S100Z: variants seen among roughly 807,000 people sequenced by gnomAD.
S100Z encodes protein S100-Z.
Under a neutral mutation model 8.5 loss-of-function variants are expected in S100Z, and 11 were observed. The ratio of observed to expected loss-of-function variants is 1.30; its 90% CI spans 0.82 to 2.15. S100Z has a LOEUF of 2.15. Ranked by LOEUF, S100Z falls within the 30% of genes most tolerant of loss-of-function variation. The pLI, the probability that S100Z is intolerant of heterozygous loss-of-function variation, is 0.00. For synonymous variants in S100Z, 34 were observed against 43.8 expected (o/e 0.78, Z 0.89); for missense variants, 126 against 117.9 (o/e 1.07, Z -0.32).
At chr5:76,937,060 C>T in the S100Z span, among the ~76,000 whole-genome samples, 5 of 152,300 alleles carry the variant, frequency 3.3e-5, no homozygotes, top group East Asian at 3.9e-4. Flanking sequence ...CAGCAAATCC[C>T]GGCTGCAGAG....
At chr5:76,916,625 A>C (rs533341762) in intron 4 of S100Z, among the ~76,000 whole-genome samples, 3 of 152,312 alleles carry the variant, frequency 2.0e-5, no homozygotes, top group Non-Finnish European at 2.9e-5. Flanking sequence ...AGAAACCAAT[A>C]ACAGAAAGAT....
chr5:76,864,655 C>T lies in S100Z; in HGVS notation c.-175-5511C>T, dbSNP rs1341720787. Among the ~76,000 whole-genome samples the T allele has an allele frequency of 2.0e-5, 3 of 152,120 alleles. No individual in the cohort carries two copies. In the East Asian group the frequency reaches 5.8e-4, roughly 29 times the overall value. On this transcript the variant is annotated intron_variant, in intron 1 of 4. Transcript: ENST00000317593. ...CTGAGCTCAAGCGAGCCACCCGCCT[C>T]AGCCTCCCAGAGTGCTGGGATTATA...
chr5:76,913,471 G>A (rs988724124), intron 4 of S100Z, among the ~76,000 whole-genome samples: 1 of 152,194 alleles, frequency 6.6e-6, no homozygotes, highest in Non-Finnish European at 1.5e-5. Flanking sequence ...TCAGGAAGGA[G>A]CCATCTTATA....
intron 4 of S100Z, among the ~76,000 whole-genome samples, chr5:76,906,484 T>C (rs754943424): frequency 1.6e-4 from 24 of 152,226 alleles, no homozygotes; most frequent in Non-Finnish European, 2.4e-4. Flanking sequence ...TTTCTGCTTC[T>C]AGTTCAACTT....
intron 4 of S100Z, among the ~76,000 whole-genome samples, chr5:76,911,882 G>A (rs990388100): frequency 2.6e-5 from 4 of 152,042 alleles, no homozygotes; most frequent in South Asian, 2.1e-4. Context: ...TGGAATCACC[G>A]GCTTTTGCTG....
chr5:76,922,436 G>A (rs1745064231), downstream of S100Z, among the ~76,000 whole-genome samples: 1 of 152,192 alleles, frequency 6.6e-6, no homozygotes. Context: ...TTCCTGTGCA[G>A]TTCTGCCCAT....
chr5:76,859,535 CT>C (rs1750989209), intron 1 of S100Z, among the ~76,000 whole-genome samples: 1 of 152,078 alleles, frequency 6.6e-6, no homozygotes, highest in African/African-American at 2.4e-5. Context: ...AATCCCAGCA[CT>C]TTGGGAGGCT....
chr5:76,927,388 C>A, the S100Z span, among the ~76,000 whole-genome samples: 1 of 152,202 alleles, frequency 6.6e-6, no homozygotes, highest in Admixed American at 6.5e-5. Context: ...TGTGCTCTCC[C>A]TCTGCCCCAG....
At chr5:76,937,139 T>C in the S100Z span, among the ~76,000 whole-genome samples, 4 of 152,122 alleles carry the variant, frequency 2.6e-5, no homozygotes, top group Non-Finnish European at 4.4e-5. Context: ...AGATAAGATA[T>C]TGGAAATGGC....
downstream of S100Z, among the ~76,000 whole-genome samples, chr5:76,926,006 G>C (rs1395346817): frequency 6.6e-6 from 1 of 151,972 alleles, no homozygotes; most frequent in Non-Finnish European, 1.5e-5. Context: ...AAATATAAGG[G>C]CACATAGTTT....
chr5:76,918,836 CTCTA>C (rs1168805730), intron 4 of S100Z, among the ~76,000 whole-genome samples: 2 of 152,200 alleles, frequency 1.3e-5, no homozygotes, highest in African/African-American at 2.4e-5. Flanking sequence ...ATCCTCTGTA[CTCTA>C]TCTATTCAAC....
At chr5:76,852,713 T>TC (rs113956903) in intron 1 of S100Z, among the ~76,000 whole-genome samples, 32 of 152,202 alleles carry the variant, frequency 2.1e-4, no homozygotes, top group African/African-American at 6.7e-4. Context: ...AGACTCTGTC[T>TC]CAAAAAACAA....
At chr5:76,898,811 G>T (rs998654433) in intron 4 of S100Z, among the ~76,000 whole-genome samples, 1 of 151,954 alleles carries the variant, frequency 6.6e-6, no homozygotes, top group African/African-American at 2.4e-5. Flanking sequence ...GGGCCTCATA[G>T]AATTAGTTTA....
chr5:76,902,913 C>T (rs979275032), intron 4 of S100Z, among the ~76,000 whole-genome samples: 7 of 152,190 alleles, frequency 4.6e-5, no homozygotes, highest in East Asian at 1.9e-4. Flanking sequence ...CGGCTGGGCA[C>T]GGTGGCTTAC....
At position 76,862,126 on chromosome 5, in the gene S100Z, TGTGC is replaced by T. The variant is rs1453548697; in HGVS notation, c.-175-8036_-175-8033del. 1.3e-3 allele frequency among the ~76,000 whole-genome samples: 164 copies of T among 123,812 alleles called. 1 individual carries two copies. Among genetic ancestry groups the T allele is most frequent in the African/African-American group, 5.5e-3 (155 of 28,414 alleles). The allele number at this position is 123,812 out of a possible 152,430, so 81.2% of individuals were successfully genotyped here. A position where few individuals can be genotyped will look rare whatever the true frequency, so the allele number is the denominator to read the frequency against. On this transcript the variant is annotated intron_variant, in intron 1 of 4. Transcript: ENST00000317593. ...TTCTCATGCTGGCAGGGATAAGGAG[TGTGC>T]GTGTGTGTGTGTGTGTGTGTGTGTG...
chr5:76,930,463 T>C, the S100Z span, among the ~76,000 whole-genome samples: 30,998 of 152,130 alleles, frequency 0.2, 3,462 homozygotes, highest in Middle Eastern at 0.36. Flanking sequence ...TCCAATCTTA[T>C]TTAATTTCCA....
intron 4 of S100Z, among the ~76,000 whole-genome samples, chr5:76,900,513 A>G (rs1744193028): frequency 1.3e-5 from 2 of 152,178 alleles, no homozygotes; most frequent in South Asian, 4.1e-4. Context: ...CTGCTATTAA[A>G]GGACTCTGAT....
the S100Z span, among the ~76,000 whole-genome samples, chr5:76,938,116 A>AAAC: frequency 8.7e-5 from 2 of 23,008 alleles, no homozygotes; most frequent in Non-Finnish European, 2.5e-4. Flanking sequence ...ATAAACAAAA[A>AAAC]AACAAAAAAA....
At chr5:76,853,306 G>C (rs1004224077) in intron 1 of S100Z, among the ~76,000 whole-genome samples, 4 of 152,212 alleles carry the variant, frequency 2.6e-5, no homozygotes, top group Admixed American at 2.0e-4. Flanking sequence ...TCAGAGATGA[G>C]AGCTGGCACA....
Sources: gnomAD v4.1 joint callset for allele counts (sites outside exome capture counted in the v4.1 genomes callset) on GRCh38, gnomAD v4.1.1 for gene constraint, MANE v1.5 for transcripts, NCBI Gene and HGNC (gene_info 2026-07-23, HGNC 2026-07-21) for gene names.